ANK3: variants seen among roughly 807,000 people sequenced by gnomAD.
The protein encoded by ANK3 is ankyrin 3, also known as ankyrin-3.
ANK3 carries 57 observed loss-of-function variants against 370.9 expected under a neutral mutation model. That is an observed-to-expected ratio of 0.15 (90% CI 0.12 to 0.19). The LOEUF is 0.19. Among genes scored for constraint, ANK3 ranks in the 10% least tolerant of loss-of-function variants. The probability of loss-of-function intolerance (pLI) is 1.00; values close to 1 mark genes in which losing one functional copy is unlikely to be tolerated. For missense variants in ANK3, 4,439 were observed against 5,302.1 expected, an observed-to-expected ratio of 0.84 and a Z score of 5.06; for synonymous variants, 1,929 against 1,946.3, an observed-to-expected ratio of 0.99 and a Z score of 0.23.
chr10:60,226,578 A>AG (rs2097165312), intron 8 of ANK3, among the ~76,000 whole-genome samples: 8 of 83,218 alleles, frequency 9.6e-5, no homozygotes, highest in Admixed American at 2.7e-4. Context: ...GTATATGTAT[A>AG]TATACTATGT....
At chr10:60,706,681 G>A (rs1589056268) in intron 1 of ANK3, among the ~76,000 whole-genome samples, 1 of 151,958 alleles carries the variant, frequency 6.6e-6, no homozygotes, top group East Asian at 1.9e-4. Flanking sequence ...TAGGGATAAT[G>A]TTTGTGTAAT....
intron 39 of ANK3, among the ~76,000 whole-genome samples, chr10:60,063,793 C>T (rs931334473): frequency 2.0e-5 from 3 of 152,208 alleles, no homozygotes; most frequent in Admixed American, 6.5e-5. Context: ...TCTTCCCTCT[C>T]TGCACATCCA....
chr10:60,202,296 T>C (rs2132423011), intron 12 of ANK3, among the ~76,000 whole-genome samples: 1 of 152,014 alleles, frequency 6.6e-6, no homozygotes, highest in East Asian at 2.0e-4. Flanking sequence ...TAATTTTGTA[T>C]TTTTTAGTAG....
rs140189885 is a variant in ANK3, at chr10:60,405,238, C to T, written c.97-125599G>A. Among the ~76,000 whole-genome samples, 1,413 of 152,054 alleles carry T rather than the reference C, an allele frequency of 9.3e-3. 12 individuals are homozygous for T. Among genetic ancestry groups the T allele is most frequent in the Admixed American group, 0.019 (285 of 15,272 alleles). On this transcript the variant is annotated intron_variant, in intron 2 of 43. Transcript: ENST00000373827. ...ACTTCTATAAGAATGTTTATGGAAG[C>T]TTTATTTGGAACAAAAAAAATAAAA...
At chr10:60,483,331 A>T (rs1164625121) in intron 2 of ANK3, among the ~76,000 whole-genome samples, 2 of 152,248 alleles carry the variant, frequency 1.3e-5, no homozygotes, top group Non-Finnish European at 2.9e-5. Context: ...CTTTAATTCC[A>T]AAATAATGAA....
At chr10:60,344,695 C>A (rs2055025610) in intron 1 of ANK3, among the ~76,000 whole-genome samples, 1 of 151,974 alleles carries the variant, frequency 6.6e-6, no homozygotes, top group Admixed American at 6.6e-5. Flanking sequence ...GATATTTTAC[C>A]AAGAACAAGA....
Position 60,073,899 on chromosome 10 carries a change from G to T in ANK3, c.6982C>A (p.Arg2328Ser). ...KDNQMKPKLE[R>S]IIEVHIEKGN... is the part of the protein sequence containing the mutation. The stretch of plus-strand genomic sequence containing the variant: ...TTTTCGATGTGGACTTCTATTATAC[G>T]CTCCAGTTTGGGTTTCATTTGGTTG... Residue 2328 changes from arginine to serine, a missense_variant, in exon 37 of 44, where the codon CGT (arginine) becomes AGT (serine). Arg to Ser is a moderately radical substitution (Grantham distance 110). Transcript: ENST00000280772. The T allele has an allele frequency of 6.2e-7, 1 of 1,613,734 alleles. No homozygotes were observed. Among genetic ancestry groups the T allele is most frequent in the Non-Finnish European group, 8.5e-7 (1 of 1,179,968 alleles).
intron 8 of ANK3, among the ~76,000 whole-genome samples, chr10:60,218,447 T>A (rs2096983408): frequency 7.2e-5 from 11 of 152,200 alleles, no homozygotes; most frequent in Admixed American, 7.2e-4. Flanking sequence ...ATTTAGTACT[T>A]CCTTCAAGAG....
At chr10:60,039,225 G>C (rs571472463) in intron 43 of ANK3, among the ~76,000 whole-genome samples, 15 of 152,348 alleles carry the variant, frequency 9.8e-5, no homozygotes, top group African/African-American at 3.1e-4. Context: ...GTAAAGGGCT[G>C]CCTTGACAAG....
At chr10:60,667,149 C>G (rs1230054536) in intron 1 of ANK3, among the ~76,000 whole-genome samples, 1 of 147,850 alleles carries the variant, frequency 6.8e-6, no homozygotes, top group Non-Finnish European at 1.5e-5. Flanking sequence ...TAGTTTTTTT[C>G]CTGTGGTAAA....
At chr10:60,258,933 A>G (rs1318651781) in intron 7 of ANK3, among the ~76,000 whole-genome samples, 1 of 152,224 alleles carries the variant, frequency 6.6e-6, no homozygotes, top group Admixed American at 6.5e-5. Flanking sequence ...GCTCTGAAGC[A>G]TATGATTTAT....
At chr10:60,633,030 G>A (rs2078506169) in intron 1 of ANK3, among the ~76,000 whole-genome samples, 1 of 152,044 alleles carries the variant, frequency 6.6e-6, no homozygotes, top group African/African-American at 2.4e-5. Context: ...ATAGACTAGT[G>A]TATATAGAGA....
rs1283192443 is a variant in ANK3 at position 60,072,194 on chromosome 10, T to G, written c.8687A>C (p.Glu2896Ala). 6.2e-7 allele frequency: 1 copy of G among 1,613,888 alleles called. No individual in the cohort carries two copies. Among genetic ancestry groups the G allele is most frequent in the Non-Finnish European group, 8.5e-7 (1 of 1,179,966 alleles). Reference protein sequence around the residue: ...PESKSVDQKNEFMSVTERERK... With the variant: ...PESKSVDQKNAFMSVTERERK... Reference sequence around the variant, plus strand: ...TTCTCTCTCAGTCACAGACATAAATTCATTCTTTTGATCAACACTTTTACT... The same window carrying G: ...TTCTCTCTCAGTCACAGACATAAATGCATTCTTTTGATCAACACTTTTACT... Residue 2896 changes from glutamate to alanine, a missense_variant, in exon 37 of 44, where the codon GAA becomes GCA. By Grantham distance (107) the Glu-to-Ala change is moderately radical. Coordinates refer to ENST00000280772, the MANE Select transcript of ANK3 (RefSeq NM_020987.5).
chr10:60,389,481 C>G lies in ANK3; in HGVS notation c.58G>C (p.Glu20Gln), dbSNP rs146194513. 6.2e-7 allele frequency: 1 copy of G among 1,613,954 alleles called. No individual in the cohort carries two copies. The highest frequency in any genetic ancestry group is 1.1e-5 in the South Asian group (1 of 91,066). ...KNRDLEINAE[E>Q]EPEKKRKHRK... ...TGTTTCCTTTTTTTCTCAGGCTCTTCTTCAGCATTGATTTCTAAATCCCTG... is the reference window on the plus strand; with the variant it reads ...TGTTTCCTTTTTTTCTCAGGCTCTTGTTCAGCATTGATTTCTAAATCCCTG... Residue 20 changes from glutamate to glutamine, a missense_variant, in exon 1 of 44, where the codon GAA (glutamate) becomes CAA (glutamine). By Grantham distance (29) the Glu-to-Gln change is conservative (BLOSUM62 2). This residue lies in a region of ANK3 where 54 missense variants were observed against 52.7 expected (regional missense o/e 1.02). Transcript: ENST00000280772.
At chr10:60,286,939 G>A (rs1593082067) in intron 1 of ANK3, among the ~76,000 whole-genome samples, 1 of 152,112 alleles carries the variant, frequency 6.6e-6, no homozygotes, top group Admixed American at 6.6e-5. Context: ...GTATAGATAT[G>A]AGGGATTCCT....
At chr10:60,288,403 G>A (rs537244654) in intron 1 of ANK3, among the ~76,000 whole-genome samples, 26 of 152,236 alleles carry the variant, frequency 1.7e-4, no homozygotes, top group African/African-American at 6.0e-4. Context: ...TGTGCATACT[G>A]GAGCCTGAAT....
At chr10:60,318,955 T>C (rs1044342338) in intron 1 of ANK3, among the ~76,000 whole-genome samples, 3 of 152,220 alleles carry the variant, frequency 2.0e-5, no homozygotes, top group African/African-American at 4.8e-5. Flanking sequence ...TGATCCTAAG[T>C]ATGAATCCAT....
chr10:60,306,428 C>CATATATAT (rs753175801), intron 1 of ANK3, among the ~76,000 whole-genome samples: 54 of 112,046 alleles, frequency 4.8e-4, no homozygotes, highest in African/African-American at 1.5e-3. Flanking sequence ...GGTGTATGTG[C>CATATATAT]ATATATATAT....
At chr10:60,455,632 G>C (rs1471013425) in intron 2 of ANK3, among the ~76,000 whole-genome samples, 3 of 152,046 alleles carry the variant, frequency 2.0e-5, no homozygotes, top group Non-Finnish European at 4.4e-5. Context: ...AAATTACATT[G>C]ATTTTAGTCA....
Sources: allele counts gnomAD v4.1 joint callset (sites outside exome capture counted in the v4.1 genomes callset), GRCh38; gene constraint gnomAD v4.1.1; regional missense constraint gnomAD v4.1.1; transcripts MANE v1.5; gene names NCBI Gene and HGNC (gene_info 2026-07-23, HGNC 2026-07-21).